SEZ6: variants seen among roughly 807,000 people sequenced by gnomAD.
SEZ6 encodes the protein seizure protein 6 homolog.
In SEZ6, 53 loss-of-function variants were observed where a neutral mutation model predicts 101.0. The ratio of observed to expected loss-of-function variants is 0.52; its 90% confidence interval spans 0.42 to 0.66. SEZ6 has a LOEUF of 0.66. Among genes scored for constraint, SEZ6 ranks in the 30% least tolerant of loss-of-function variants. The pLI is 0.00. For missense variants in SEZ6, 1,102 were observed against 1,289.4 expected (o/e 0.85, Z 2.23); for synonymous variants, 488 against 512.2 (o/e 0.95, Z 0.64).
intron 1 of SEZ6, among the ~76,000 whole-genome samples, chr17:28,987,341 C>G (rs1250429733): frequency 2.0e-5 from 3 of 152,130 alleles, no homozygotes; most frequent in Non-Finnish European, 2.9e-5. Flanking sequence ...CTTACAGTGA[C>G]AATTCCACGG....
chr17:28,963,127 GAAAAAAAAA>G (rs61378133), intron 5 of SEZ6, among the ~76,000 whole-genome samples: 4 of 110,300 alleles, frequency 3.6e-5, no homozygotes, highest in Admixed American at 9.4e-5. Flanking sequence ...CCGTCTCGAA[GAAAAAAAAA>G]AAAAAAAAGC....
chr17:28,968,190 G>A (rs1299190717), intron 4 of SEZ6, among the ~76,000 whole-genome samples: 1 of 152,160 alleles, frequency 6.6e-6, no homozygotes, highest in Non-Finnish European at 1.5e-5. Flanking sequence ...GTGAGCACAC[G>A]CTCCTCCTGT....
At position 29,005,227 on chromosome 17, in the gene SEZ6, T is replaced by A. The variant is rs2041671028; in HGVS notation, c.55+588A>T. 1.3e-5 allele frequency among the ~76,000 whole-genome samples: 2 copies of A among 152,050 alleles called. No homozygotes were observed. Among genetic ancestry groups the A allele is most frequent in the Admixed American group, 1.3e-4 (2 of 15,284 alleles). ...AGGGGGTCCAGGCCCTTGGAGTTTC[T>A]CTCTAGAATTGTGCTCTAGGTCCCG... On this transcript the variant is annotated intron_variant, in intron 1 of 16. Coordinates refer to ENST00000317338, the MANE Select transcript of SEZ6 (RefSeq NM_178860.5). This position sits in a 1 kb window ranked among gnomAD's most constrained non-coding sequence, Gnocchi z 4.8.
At chr17:28,975,419 G>A (rs1193743552) in intron 3 of SEZ6, among the ~76,000 whole-genome samples, 2 of 152,218 alleles carry the variant, frequency 1.3e-5, no homozygotes, top group Non-Finnish European at 2.9e-5. Context: ...GTAAACTGAG[G>A]CACAGAGAAG....
In SEZ6 at chr17:28,967,404, CTTCTTGCT is replaced by C. The variant is rs1758071215; in HGVS notation, c.1054+2345_1054+2352del. 1.2e-4 allele frequency among the ~76,000 whole-genome samples: 18 copies of C among 152,272 alleles called. 1 individual carries two copies. In the South Asian group the frequency reaches 3.7e-3, roughly 32 times the overall value. On this transcript the variant is annotated intron_variant, in intron 4 of 16. Coordinates refer to ENST00000317338, the MANE Select transcript of SEZ6 (RefSeq NM_178860.5). ...ACTTGAAGCTCCTGGGCTCTGAAGC[CTTCTTGCT>C]TTCCACCACCACCCCACCTGCTTCC...
chr17:28,985,312 C>T lies in SEZ6; in HGVS notation c.56-3273G>A, dbSNP rs148564903. The stretch of plus-strand genomic sequence containing the variant: ...ATTGGGACTTGGGTTGGGCCCTGGT[C>T]GAGCAGGCCCTCAGGAAGCCTTCTG... On this transcript the variant is annotated intron_variant, in intron 1 of 16. Transcript: ENST00000317338. 1.2e-3 allele frequency among the ~76,000 whole-genome samples: 183 copies of T among 152,282 alleles called. 4 individuals carry two copies. The South Asian group carries it at 0.031, about 26-fold the overall frequency.
At chr17:29,001,549 G>T (rs575275093) in intron 1 of SEZ6, among the ~76,000 whole-genome samples, 67 of 152,204 alleles carry the variant, frequency 4.4e-4, no homozygotes, top group Non-Finnish European at 8.7e-4. Flanking sequence ...AATACTTGAA[G>T]CGTGAGGTAG....
intron 3 of SEZ6, among the ~76,000 whole-genome samples, chr17:28,977,849 G>A (rs926559741): frequency 6.6e-6 from 1 of 152,236 alleles, no homozygotes; most frequent in Non-Finnish European, 1.5e-5. Context: ...ATTAGGTGAT[G>A]ATTTTACATT....
At chr17:28,983,199 T>A (rs1325903181) in intron 1 of SEZ6, among the ~76,000 whole-genome samples, 2 of 152,264 alleles carry the variant, frequency 1.3e-5, no homozygotes, top group African/African-American at 4.8e-5. Flanking sequence ...AGTTTTCTCA[T>A]CTGTAAAATT....
At chr17:28,966,254 G>A (rs2041065745) in intron 4 of SEZ6, among the ~76,000 whole-genome samples, 1 of 151,488 alleles carries the variant, frequency 6.6e-6, no homozygotes, top group Admixed American at 6.6e-5. Context: ...GCCGAGGCAG[G>A]TGGATAACAA....
At chr17:28,994,420 C>T (rs1412980373) in intron 1 of SEZ6, among the ~76,000 whole-genome samples, 3 of 152,130 alleles carry the variant, frequency 2.0e-5, no homozygotes, top group African/African-American at 7.2e-5. Context: ...GGAGTACAGG[C>T]GCCTGCCATA....
intron 11 of SEZ6, 21 bp downstream of exon 11, chr17:28,957,926 G>A (rs368036598): frequency 4.4e-5 from 70 of 1,600,830 alleles, no homozygotes; most frequent in South Asian, 4.0e-4. Context: ...GAAGGGGAGC[G>A]TGGGGAACAG....
At chr17:28,998,518 C>T (rs1305012463) in intron 1 of SEZ6, among the ~76,000 whole-genome samples, 1 of 152,028 alleles carries the variant, frequency 6.6e-6, no homozygotes, top group Non-Finnish European at 1.5e-5. Context: ...AGCGGGTCTC[C>T]CCCTTCTTTC....
intron 1 of SEZ6, among the ~76,000 whole-genome samples, chr17:28,995,991 G>A (rs1472749908): frequency 6.6e-6 from 1 of 151,918 alleles, no homozygotes; most frequent in African/African-American, 2.4e-5. Context: ...GGGAGACACA[G>A]AAGCTCCAGC....
rs573525885 is a variant in SEZ6 at position 28,981,748 on chromosome 17, C to T, written c.347G>A (p.Arg116His). 1.4e-5 allele frequency: 22 copies of T among 1,608,916 alleles called. No individual in the cohort carries two copies. The Admixed American group carries it at 2.0e-4, about 15-fold the overall frequency. Residue 116 changes from arginine to histidine, a missense_variant, in exon 2 of 17, where the codon CGC becomes CAC. This residue lies in a region of SEZ6 where 406 missense variants were observed against 418.6 expected (regional missense o/e 0.97). Transcript: ENST00000317338. ...PLPRLANQDS[R>H]PVFTSPTPAM... ...TGGAGTGGGGCTGGTAAAGACAGGG[C>T]GGCTGTCCTGGTTGGCCAGGCGGGG...
chr17:28,992,001 C>T (rs1042419176), intron 1 of SEZ6, among the ~76,000 whole-genome samples: 6 of 152,154 alleles, frequency 3.9e-5, no homozygotes, highest in Admixed American at 1.3e-4. Flanking sequence ...GTTGGCTTGC[C>T]CCTGCCTCAC....
At chr17:28,961,878 TGCTCAAGGCA>T (rs2040984099) in intron 5 of SEZ6, among the ~76,000 whole-genome samples, 2 of 152,184 alleles carry the variant, frequency 1.3e-5, no homozygotes. Flanking sequence ...TGTCTCCAAA[TGCTCAAGGCA>T]GCAGAATATT....
Position 28,959,146 on chromosome 17 carries a change from G to A in SEZ6, c.1986C>T (p.Tyr662=), listed in dbSNP as rs2152683491. The change falls in exon 10 of 17, where the codon TAC becomes TAT. Residue 662 remains tyrosine (Y), a synonymous_variant. Coordinates refer to ENST00000317338, the MANE Select transcript of SEZ6 (RefSeq NM_178860.5). This position sits in a 1 kb window ranked among gnomAD's most constrained non-coding sequence, Gnocchi z 4.4. The part of the protein sequence containing the change: ...DDLTARVLGQ[Y]SGPRSHFKLF... The stretch of plus-strand genomic sequence containing the variant: ...GCTTGAAGTGGCTACGGGGCCCTGA[G>A]TACTGGCCCAGAACCCGGGCCGTCA... 4 of 1,613,904 alleles carry A rather than the reference G, an allele frequency of 2.5e-6. No individual in the cohort carries two copies. The highest frequency in any genetic ancestry group is 2.2e-5 in the East Asian group (1 of 44,874).
Position 28,981,530 on chromosome 17 carries a change from C to T in SEZ6, c.565G>A (p.Gly189Arg). Reference protein sequence around the residue: ...RAWTPTQEGPGDMGRPWVAEV... With the variant: ...RAWTPTQEGPRDMGRPWVAEV... ...GCAACCCACGGCCTTCCCATGTCTC[C>T]AGGACCCTCTTGGGTTGGTGTCCAG... Residue 189 changes from glycine (G) to arginine (R), a missense_variant, in exon 2 of 17, where the codon GGA becomes AGA. This residue lies in a region of SEZ6 where 406 missense variants were observed against 418.6 expected (regional missense o/e 0.97). Coordinates refer to ENST00000317338, the MANE Select transcript of SEZ6 (RefSeq NM_178860.5). 1.2e-6 allele frequency: 2 copies of T among 1,612,140 alleles called. No individual in the cohort carries two copies. Among genetic ancestry groups the T allele is most frequent in the Middle Eastern group, 3.3e-4 (2 of 6,062 alleles).
Sources: gnomAD v4.1 joint callset for allele counts (sites outside exome capture counted in the v4.1 genomes callset) on GRCh38, gnomAD v4.1.1 for gene constraint, gnomAD v4.1.1 regional missense constraint, Gnocchi (gnomAD v3.1) non-coding constraint, MANE v1.5 for transcripts, NCBI Gene and HGNC (gene_info 2026-07-23, HGNC 2026-07-21) for gene names.